The following CFAP57 variants were observed in gnomAD, a reference collection of about 807,000 sequenced individuals.
The protein encoded by CFAP57 is cilia and flagella associated protein 57, also known as cilia- and flagella-associated protein 57.
A neutral mutation model predicts 146.8 loss-of-function variants in CFAP57; 116 were observed. The ratio of observed to expected loss-of-function variants is 0.79; its 90% CI spans 0.68 to 0.92. The LOEUF is 0.92. Among genes scored for constraint, CFAP57 ranks in the 40% least tolerant of loss-of-function variants. CFAP57 has a pLI of 0.00. For missense variants in CFAP57, 1,377 were observed against 1,527.2 expected (o/e 0.90, Z 1.64); for synonymous variants, 518 against 552.8 (o/e 0.94, Z 0.88).
At chr1:43,185,641 A>T (rs1189077737) in intron 5 of CFAP57, among the ~76,000 whole-genome samples, 1 of 148,404 alleles carries the variant, frequency 6.7e-6, no homozygotes, top group East Asian at 2.0e-4. Flanking sequence ...CAGGAGTTCT[A>T]GACCAGCCTG....
chr1:43,248,556 G>T (rs1285472815), intron 22 of CFAP57, among the ~76,000 whole-genome samples: 2 of 151,410 alleles, frequency 1.3e-5, no homozygotes, highest in Admixed American at 1.3e-4. Context: ...TCCTGACTTC[G>T]TAATCTGCCT....
chr1:43,252,764 A>G (rs945141082), intron 22 of CFAP57, among the ~76,000 whole-genome samples: 1 of 152,256 alleles, frequency 6.6e-6, no homozygotes, highest in African/African-American at 2.4e-5. Context: ...CCAAAATTGC[A>G]TAGGCAGATT....
At chr1:43,202,064 A>G (rs1644148608) in intron 9 of CFAP57, among the ~76,000 whole-genome samples, 1 of 152,236 alleles carries the variant, frequency 6.6e-6, no homozygotes, top group Admixed American at 6.5e-5. Context: ...TTGTTTCATC[A>G]CTTTACAAGT....
intron 21 of CFAP57, among the ~76,000 whole-genome samples, chr1:43,240,160 C>T (rs1434790888): frequency 6.6e-6 from 1 of 152,094 alleles, no homozygotes; most frequent in Non-Finnish European, 1.5e-5. Context: ...CCCCACCCTC[C>T]CTCCCAAACT....
At chr1:43,195,430 G>A in intron 6 of CFAP57, among the ~76,000 whole-genome samples, 1 of 151,968 alleles carries the variant, frequency 6.6e-6, no homozygotes, top group Non-Finnish European at 1.5e-5. Context: ...GTTGAGGCAG[G>A]AGAATCGCTT....
At chr1:43,230,982 G>C (rs987422909) in intron 18 of CFAP57, among the ~76,000 whole-genome samples, 5 of 152,164 alleles carry the variant, frequency 3.3e-5, no homozygotes, top group Non-Finnish European at 7.3e-5. Context: ...CCCCTACAAG[G>C]TGGTTCTATA....
chr1:43,254,258 C>A lies in CFAP57; in HGVS notation c.*67C>A. 2.1e-6 allele frequency: 3 copies of A among 1,426,160 alleles called. No individual in the cohort carries two copies. Among genetic ancestry groups the A allele is most frequent in the Non-Finnish European group, 1.9e-6 (2 of 1,056,894 alleles). 88.3% of individuals were successfully genotyped at this position (1,426,160 alleles called of 1,614,324 possible). On this transcript the variant is annotated 3_prime_UTR_variant, in exon 23 of 23. Transcript: ENST00000372492. ...ACAGCATGTCTGTCCCCAAGCCAGA[C>A]TTGCGGTTGGAGTCTGTATGGTCCC...
intron 22 of CFAP57, among the ~76,000 whole-genome samples, chr1:43,253,143 G>A (rs1436976465): frequency 6.6e-6 from 1 of 152,204 alleles, no homozygotes; most frequent in Non-Finnish European, 1.5e-5. Context: ...CACTGAGGGT[G>A]CTGTTGGGAA....
chr1:43,245,905 A>G (rs1053817437), intron 22 of CFAP57, among the ~76,000 whole-genome samples: 2 of 152,252 alleles, frequency 1.3e-5, no homozygotes, highest in Admixed American at 6.5e-5. Flanking sequence ...TGCAATTTTT[A>G]TATACTAACA....
At chr1:43,206,673 G>T in intron 9 of CFAP57, 47 bp from the exon 10 acceptor site, 1 of 1,594,962 alleles carries the variant, frequency 6.3e-7, no homozygotes. Context: ...GTGTTAGGGT[G>T]TAAGTGTGTG....
At chr1:43,202,558 G>A (rs1644172735) in intron 9 of CFAP57, among the ~76,000 whole-genome samples, 2 of 152,034 alleles carry the variant, frequency 1.3e-5, no homozygotes, top group Admixed American at 1.3e-4. Flanking sequence ...TGAGGCAGGC[G>A]GATCCCTTGA....
chr1:43,207,110 A>T (rs1316413379), intron 10 of CFAP57, among the ~76,000 whole-genome samples, 178 bp downstream of exon 10: 1 of 152,202 alleles, frequency 6.6e-6, no homozygotes, highest in African/African-American at 2.4e-5. Flanking sequence ...TCACTTCCTG[A>T]ATTTCCTGCC....
chr1:43,202,511 A>T (rs1287737631), intron 9 of CFAP57, among the ~76,000 whole-genome samples: 1 of 152,182 alleles, frequency 6.6e-6, no homozygotes, highest in African/African-American at 2.4e-5. Flanking sequence ...GTCCGGGCGC[A>T]GTCACTCACG....
intron 1 of CFAP57, 135 bp from the exon 2 acceptor site, chr1:43,172,600 G>A (rs569620223): frequency 1.0e-5 from 8 of 795,886 alleles, no homozygotes; most frequent in African/African-American, 7.0e-5. Flanking sequence ...GGAGGGGAAA[G>A]GGGAGGGACA....
chr1:43,197,551 A>AG lies in CFAP57; in HGVS notation c.1126dup, dbSNP rs1350562783. On this transcript the variant is annotated splice_acceptor_variant, in intron 6 of 22. Transcript: ENST00000372492. LOFTEE classifies it high-confidence loss of function. Reference sequence around the variant, plus strand: ...GGATCTTGTTCTGTGTGATTTCTCTAGGGGGAGCCTGCTCACTTTGAGTAT... The same window carrying AG: ...GGATCTTGTTCTGTGTGATTTCTCTAGGGGGGAGCCTGCTCACTTTGAGTAT... The AG allele has an allele frequency of 6.2e-7, 1 of 1,614,044 alleles. No individual in the cohort carries two copies. Among genetic ancestry groups the AG allele is most frequent in the East Asian group, 2.2e-5 (1 of 44,884 alleles).
intron 2 of CFAP57, among the ~76,000 whole-genome samples, chr1:43,181,238 A>AT (rs1164398601): frequency 1.3e-5 from 2 of 151,960 alleles, no homozygotes; most frequent in Admixed American, 6.6e-5. Context: ...CACCCGGCTA[A>AT]TTTTTTTATT....
rs991493031 is a variant in CFAP57 at position 43,172,467 on chromosome 1, C to A, written c.-20+14C>A. ...GAGAAACGAAAGGTGGGAGGGGGTA[C>A]CTGGGGGTCGCCAGAAGGAGCTGGT... On this transcript the variant is annotated intron_variant, in intron 1 of 22. Transcript: ENST00000372492. The A allele has an allele frequency of 3.2e-6, 5 of 1,542,454 alleles. No homozygotes were observed. The highest frequency in any genetic ancestry group is 3.5e-6 in the Non-Finnish European group (4 of 1,142,270).
In CFAP57 at chr1:43,198,609, G is replaced by T; in HGVS notation, c.1391G>T (p.Arg464Leu). 3.7e-6 allele frequency: 6 copies of T among 1,613,852 alleles called. No individual in the cohort carries two copies. Among genetic ancestry groups the T allele is most frequent in the Non-Finnish European group, 5.1e-6 (6 of 1,179,966 alleles). The stretch of plus-strand genomic sequence containing the variant: ...ATGAATCTACTCATTGATGATATAC[G>T]TTCTTTCAAAGAATACTCTGTTAGA... ...RLMNLLIDDIRSFKEYSVRGC... is the reference protein window; with the variant it reads ...RLMNLLIDDILSFKEYSVRGC... The change falls in exon 8 of 23, where the codon CGT becomes CTT. Residue 464 changes from arginine to leucine, a missense_variant. Arg to Leu is a moderately radical substitution (Grantham distance 102, BLOSUM62 -2). Transcript: ENST00000372492.
In CFAP57 at chr1:43,234,568, T is replaced by C; in HGVS notation, c.3335T>C (p.Leu1112Pro). ...CAGCGGGAGCACCTGGAGAGGAACC[T>C]GGCCACTCTCAAGAAGAAGGTGGTC... ...TRQREHLERN[L>P]ATLKKKVVKE... Residue 1112 changes from leucine to proline, a missense_variant, in exon 21 of 23, where the codon CTG becomes CCG. Coordinates refer to ENST00000372492, the MANE Select transcript of CFAP57 (RefSeq NM_001378189.1). 6.4e-7 allele frequency: 1 copy of C among 1,550,478 alleles called. No individual in the cohort carries two copies. The highest frequency in any genetic ancestry group is 8.7e-7 in the Non-Finnish European group (1 of 1,146,944).
Sources: gnomAD v4.1 joint callset for allele counts (sites outside exome capture counted in the v4.1 genomes callset) on GRCh38, gnomAD v4.1.1 for gene constraint, MANE v1.5 for transcripts, NCBI Gene and HGNC (gene_info 2026-07-23, HGNC 2026-07-21) for gene names.